Variants in UBE2U observed in about 807,000 individuals in gnomAD.
UBE2U encodes ubiquitin conjugating enzyme E2 U.
Under a neutral mutation model 41.2 loss-of-function variants are expected in UBE2U, and 39 were observed. The observed-to-expected ratio is 0.95, with a 90% CI of 0.73 to 1.24. The LOEUF is 1.24. Ranked by LOEUF, UBE2U falls within the 50% of genes most tolerant of loss-of-function variation. The probability of loss-of-function intolerance (pLI) is 0.00; values close to 1 mark genes in which losing one functional copy is unlikely to be tolerated. For synonymous variants in UBE2U, 107 were observed against 117.8 expected, an observed-to-expected ratio of 0.91 and a Z score of 0.60; for missense variants, 336 against 363.1, an observed-to-expected ratio of 0.93 and a Z score of 0.61.
chr1:64,241,649 C>A lies in UBE2U; in HGVS notation c.596-3C>A. 1 of 1,594,400 alleles carries A rather than the reference C, an allele frequency of 6.3e-7. No homozygotes were observed. Among genetic ancestry groups the A allele is most frequent in the African/African-American group, 1.4e-5 (1 of 73,892 alleles). On this transcript the variant is annotated splice_region_variant and splice_polypyrimidine_tract_variant and intron_variant, in intron 7 of 9. Transcript: ENST00000371077. ...GCTTCTTTTTTTAATATTCTAATTTCAGTGCTCAAAGTTCCAAATTTCATT... is the reference window on the plus strand; with the variant it reads ...GCTTCTTTTTTTAATATTCTAATTTAAGTGCTCAAAGTTCCAAATTTCATT...
chr1:64,206,010 A>G (rs74081709), intron 2 of UBE2U, among the ~76,000 whole-genome samples: 3,742 of 152,292 alleles, frequency 0.025, 150 homozygotes, highest in African/African-American at 0.085. Flanking sequence ...GAGCATATCA[A>G]TTGAGAGAAT....
chr1:64,242,601 A>T (rs889707898), intron 8 of UBE2U, among the ~76,000 whole-genome samples: 1 of 151,676 alleles, frequency 6.6e-6, no homozygotes, highest in Admixed American at 6.6e-5. Flanking sequence ...ATATTTTTTT[A>T]AATTGAGTAT....
At chr1:64,255,411 C>T (rs952902055) in intron 8 of UBE2U, among the ~76,000 whole-genome samples, 1 of 152,148 alleles carries the variant, frequency 6.6e-6, no homozygotes, top group African/African-American at 2.4e-5. Flanking sequence ...TCCTCCTTAA[C>T]TCATTTTATG....
intron 6 of UBE2U, among the ~76,000 whole-genome samples, chr1:64,227,715 T>A (rs1439773047): frequency 6.6e-6 from 1 of 151,914 alleles, no homozygotes; most frequent in African/African-American, 2.4e-5. Flanking sequence ...GGCAGGAGAA[T>A]CACTTGAACC....
At position 64,204,118 on chromosome 1, in the gene UBE2U, TA is replaced by T. The variant is rs1358864174; in HGVS notation, c.66+4del. The stretch of plus-strand genomic sequence containing the variant: ...GATCTCAAGGAGAACAATTATAAGG[TA>T]AGTACTGGGCACGTGGAGAGATGTG... On this transcript the variant is annotated splice_donor_region_variant and intron_variant, in intron 1 of 9. Transcript: ENST00000371077. 1.9e-6 allele frequency: 3 copies of T among 1,612,984 alleles called. No individual in the cohort carries two copies. Among genetic ancestry groups the T allele is most frequent in the Admixed American group, 1.7e-5 (1 of 59,948 alleles).
At chr1:64,208,809 T>G (rs1651479447) in intron 3 of UBE2U, among the ~76,000 whole-genome samples, 1 of 152,146 alleles carries the variant, frequency 6.6e-6, no homozygotes, top group South Asian at 2.1e-4. Flanking sequence ...CATTGCTATA[T>G]CCTTAGAATC....
At chr1:64,205,994 A>T (rs1310168443) in intron 2 of UBE2U, among the ~76,000 whole-genome samples, 1 of 152,178 alleles carries the variant, frequency 6.6e-6, no homozygotes, top group African/African-American at 2.4e-5. Flanking sequence ...AGAAGCAGAC[A>T]CAATAGAGCA....
chr1:64,260,660 C>CATTGA lies in UBE2U; in HGVS notation c.735_736insATTGA (p.Ser246IlefsTer13). ...AAAGAATGCCTCATGAAGTCACTCA[C>CATTGA]TCAATGGAAGAAATTAAGCTCTGCC... is the stretch of plus-strand genomic sequence containing the variant. On this transcript the variant is annotated frameshift_variant, in exon 9 of 10. Coordinates refer to ENST00000371077, the MANE Select transcript of UBE2U (RefSeq NM_001366232.2). LOFTEE classifies it low-confidence loss of function (END_TRUNC). 1.2e-5 allele frequency: 19 copies of CATTGA among 1,549,680 alleles called. No homozygotes were observed. Among genetic ancestry groups the CATTGA allele is most frequent in the Non-Finnish European group, 1.7e-5 (19 of 1,146,640 alleles).
chr1:64,242,025 C>G (rs1644843080), intron 8 of UBE2U, among the ~76,000 whole-genome samples: 1 of 151,876 alleles, frequency 6.6e-6, no homozygotes, highest in African/African-American at 2.4e-5. Flanking sequence ...TCATTTCCAT[C>G]ATCCTTATCA....
intron 4 of UBE2U, among the ~76,000 whole-genome samples, chr1:64,211,925 T>G (rs1000082382): frequency 2.4e-4 from 37 of 152,256 alleles, no homozygotes; most frequent in African/African-American, 5.3e-4. Flanking sequence ...ATACTTGGAA[T>G]ATAAAATACT....
At chr1:64,232,238 G>A (rs552773493) in intron 6 of UBE2U, among the ~76,000 whole-genome samples, 3 of 152,102 alleles carry the variant, frequency 2.0e-5, no homozygotes, top group East Asian at 1.9e-4. Flanking sequence ...CAGGTATAAC[G>A]CTTTGCTTAG....
intron 6 of UBE2U, among the ~76,000 whole-genome samples, chr1:64,222,571 C>T (rs558685602): frequency 6.6e-6 from 1 of 152,284 alleles, no homozygotes; most frequent in South Asian, 2.1e-4. Context: ...TGAGGCAATG[C>T]AGTCTAGATT....
chr1:64,251,915 T>C (rs1439197737), intron 8 of UBE2U, among the ~76,000 whole-genome samples: 1 of 152,166 alleles, frequency 6.6e-6, no homozygotes, highest in Admixed American at 6.5e-5. Context: ...GGTCCCACTT[T>C]CACAGCACCT....
chr1:64,207,343 G>T (rs911677755), intron 3 of UBE2U, among the ~76,000 whole-genome samples: 46 of 152,144 alleles, frequency 3.0e-4, no homozygotes, highest in Non-Finnish European at 5.6e-4. Context: ...CAGAGATGGG[G>T]TTTCACCATG....
intron 8 of UBE2U, among the ~76,000 whole-genome samples, chr1:64,247,928 G>A (rs1644947907): frequency 6.6e-6 from 1 of 150,664 alleles, no homozygotes; most frequent in African/African-American, 2.4e-5. Context: ...TCTCTCGCCT[G>A]TGACCTCTGC....
chr1:64,253,219 A>G (rs1645039217), intron 8 of UBE2U, among the ~76,000 whole-genome samples: 1 of 152,206 alleles, frequency 6.6e-6, no homozygotes, highest in African/African-American at 2.4e-5. Flanking sequence ...TAGAGAAAAA[A>G]GAACAAAAAG....
chr1:64,228,686 C>CT (rs59774097), intron 6 of UBE2U, among the ~76,000 whole-genome samples: 5,349 of 95,662 alleles, frequency 0.056, 258 homozygotes, highest in Admixed American at 0.11. Context: ...CTCTCTCTCT[C>CT]TTTTTTTTTT....
At chr1:64,204,613 C>T (rs1651173152) in intron 1 of UBE2U, among the ~76,000 whole-genome samples, 1 of 152,166 alleles carries the variant, frequency 6.6e-6, no homozygotes, top group South Asian at 2.1e-4. Flanking sequence ...TAAATGCCTT[C>T]CCTTTATAGT....
intron 4 of UBE2U, among the ~76,000 whole-genome samples, chr1:64,214,316 A>G (rs766840005): frequency 1.3e-5 from 2 of 152,206 alleles, no homozygotes; most frequent in Non-Finnish European, 2.9e-5. Context: ...AATTTTAATT[A>G]TTTTAAATGT....
Sources: allele counts gnomAD v4.1 joint callset (sites outside exome capture counted in the v4.1 genomes callset), GRCh38; gene constraint gnomAD v4.1.1; transcripts MANE v1.5; gene names NCBI Gene and HGNC (gene_info 2026-07-23, HGNC 2026-07-21).